The following BIRC6 variants were observed in gnomAD, a reference collection of about 807,000 sequenced individuals.
The protein encoded by BIRC6 is baculoviral IAP repeat containing 6.
In BIRC6, 98 loss-of-function variants were observed where a neutral mutation model predicts 503.3. That is an observed-to-expected ratio of 0.19 (90% CI 0.17 to 0.23). The LOEUF (loss-of-function observed/expected upper bound fraction) is 0.23, where lower values mean the gene tolerates loss of function less well. Among genes scored for constraint, BIRC6 ranks in the 10% least tolerant of loss-of-function variants. BIRC6 has a pLI of 1.00. For missense variants in BIRC6, 5,360 were observed against 5,806.0 expected, an observed-to-expected ratio of 0.92 and a Z score of 2.50; for synonymous variants, 2,240 against 2,078.7, an observed-to-expected ratio of 1.08 and a Z score of -2.11.
intron 15 of BIRC6, among the ~76,000 whole-genome samples, chr2:32,437,178 C>T (rs562724220): frequency 6.6e-6 from 1 of 152,264 alleles, no homozygotes; most frequent in South Asian, 2.1e-4. Context: ...ACGTAAGCCA[C>T]CGCTCCAGGC....
intron 57 of BIRC6, chr2:32,519,204 T>C: frequency 2.9e-6 from 1 of 350,124 alleles, no homozygotes; most frequent in South Asian, 3.6e-5. Flanking sequence ...AAATAATTGA[T>C]GGCATGTTCT....
intron 65 of BIRC6, among the ~76,000 whole-genome samples, chr2:32,553,750 A>G (rs1377324085): frequency 6.6e-6 from 1 of 152,168 alleles, no homozygotes; most frequent in African/African-American, 2.4e-5. Context: ...AGAAACATAA[A>G]TCTTCATATT....
intron 59 of BIRC6, 135 bp from the exon 60 acceptor site, chr2:32,529,516 T>G (rs1342508093): frequency 2.6e-5 from 20 of 769,188 alleles, no homozygotes; most frequent in East Asian, 2.9e-5. Context: ...CCAATGGCTG[T>G]TGAATTTTTT....
chr2:32,607,444 T>G lies in BIRC6; in HGVS notation c.14071-11T>G. 6.7e-7 allele frequency: 1 copy of G among 1,486,628 alleles called. No individual in the cohort carries two copies. Among genetic ancestry groups the G allele is most frequent in the Non-Finnish European group, 9.0e-7 (1 of 1,107,680 alleles). The allele number at this position is 1,486,628 out of a possible 1,614,324, so 92.1% of individuals were successfully genotyped here. ...GTCCCATCATAGCTGTTCTTTTCCT[T>G]TATTCTTTAGGTGTTGGTGTCTGTC... On this transcript the variant is annotated splice_polypyrimidine_tract_variant and intron_variant, in intron 71 of 73. Transcript: ENST00000421745.
At chr2:32,455,116 T>C (rs2047098465) in intron 23 of BIRC6, among the ~76,000 whole-genome samples, 1 of 152,010 alleles carries the variant, frequency 6.6e-6, no homozygotes, top group South Asian at 2.1e-4. Context: ...CGGTGGCTCA[T>C]GCCTGTAATC....
At chr2:32,377,910 C>T in intron 2 of BIRC6, 141 bp downstream of exon 2, 2 of 705,704 alleles carry the variant, frequency 2.8e-6, no homozygotes, top group South Asian at 4.9e-5. Flanking sequence ...ACCACAACTT[C>T]ATTTAAATAT....
At chr2:32,476,175 CGTT>C in intron 33 of BIRC6, 35 bp from the exon 34 acceptor site, 7 of 1,477,110 alleles carry the variant, frequency 4.7e-6, no homozygotes, top group Non-Finnish European at 6.3e-6. Context: ...TTGTTTTTAA[CGTT>C]GTTAAAGATT....
intron 65 of BIRC6, chr2:32,557,395 C>T (rs1047849928): frequency 6.6e-6 from 1 of 152,116 alleles, no homozygotes; most frequent in African/African-American, 2.4e-5. Context: ...ATGGTTGTAG[C>T]ATTTTTGCTG....
chr2:32,435,580 C>A lies in BIRC6; in HGVS notation c.3494C>A (p.Ser1165Ter), dbSNP rs2044605704. 1 of 1,552,350 alleles carries A rather than the reference C, an allele frequency of 6.4e-7. No homozygotes were observed. The highest frequency in any genetic ancestry group is 1.2e-5 in the South Asian group (1 of 83,876). ...ATGCAGCACATGGATGTAGAGGAAT[C>A]ACAGTGTGAGTTAAATTATAGAGCT... ...EEMQHMDVEESQCLRLCPFLE... is the reference protein window; with the variant it reads ...EEMQHMDVEE The change falls in exon 14 of 74, where the codon TCA becomes TAA. Residue 1165 changes from serine to a stop codon, truncating the protein, a stop_gained. Coordinates refer to ENST00000421745, the MANE Select transcript of BIRC6 (RefSeq NM_016252.4). LOFTEE classifies it high-confidence loss of function.
At position 32,515,467 on chromosome 2, in the gene BIRC6, A is replaced by G. The variant is rs542805655; in HGVS notation, c.11046A>G (p.Leu3682=). The G allele has an allele frequency of 6.2e-7, 1 of 1,613,612 alleles. No individual in the cohort carries two copies. The highest frequency in any genetic ancestry group is 8.5e-7 in the Non-Finnish European group (1 of 1,179,874). ...QCNKMPITAD[L]VAPILRFLTE... is the part of the protein sequence containing the mutation. The stretch of plus-strand genomic sequence containing the variant: ...ATAAGATGCCTATCACAGCCGACCT[A>G]GTTGCTCCTATTCTTAGGTTTTTGA... The change falls in exon 55 of 74, where the codon CTA becomes CTG. Residue 3682 remains leucine (L), a synonymous_variant. Transcript: ENST00000421745.
At chr2:32,470,391 T>G in intron 31 of BIRC6, 90 bp downstream of exon 31, 1 of 1,220,544 alleles carries the variant, frequency 8.2e-7, no homozygotes. Context: ...ACTTTAATAA[T>G]TATTTGCAGC....
chr2:32,482,984 C>T (rs1297214301), intron 39 of BIRC6, among the ~76,000 whole-genome samples: 3 of 147,938 alleles, frequency 2.0e-5, no homozygotes, highest in Non-Finnish European at 4.5e-5. Context: ...GTGATGTGAT[C>T]CCATCTCACC....
rs1445634315 is a variant in BIRC6 at position 32,574,780 on chromosome 2, C to G, written c.13145-376C>G. ...GTAATTTTTTTGAGACGGAGTTTCA[C>G]TCTTGTGGCCCAGGCTGGAGTGCAA... On this transcript the variant is annotated intron_variant, in intron 65 of 73. Transcript: ENST00000421745. 4 of 270,230 alleles carry G rather than the reference C, an allele frequency of 1.5e-5. No individual in the cohort carries two copies. In the East Asian group the frequency reaches 3.8e-4, roughly 26 times the overall value. The allele number at this position is 270,230 out of a possible 1,614,324, so 16.7% of individuals were successfully genotyped here.
chr2:32,391,988 C>A, intron 4 of BIRC6, 51 bp from the exon 5 acceptor site: 2 of 1,211,622 alleles, frequency 1.7e-6, no homozygotes, highest in Non-Finnish European at 2.3e-6. Context: ...ATAGAAGTTT[C>A]ACTGTGATTT....
In BIRC6 at chr2:32,505,001, C is replaced by T. The variant is rs543706301; in HGVS notation, c.9500-4C>T. ...TTATAATTTATGTAAAATATCTTCTCTAGGTACAATCACATCTAGCAGTCC... is the reference window on the plus strand; with the variant it reads ...TTATAATTTATGTAAAATATCTTCTTTAGGTACAATCACATCTAGCAGTCC... On this transcript the variant is annotated splice_polypyrimidine_tract_variant and splice_region_variant and intron_variant, in intron 49 of 73. Transcript: ENST00000421745. 1.4e-5 allele frequency: 22 copies of T among 1,610,296 alleles called. No individual in the cohort carries two copies. The East Asian group carries it at 3.3e-4, about 25-fold the overall frequency.
At chr2:32,536,995 T>A (rs2057292747) in intron 61 of BIRC6, among the ~76,000 whole-genome samples, 1 of 152,222 alleles carries the variant, frequency 6.6e-6, no homozygotes, top group South Asian at 2.1e-4. Flanking sequence ...TAAGTTGGAC[T>A]CCTAGGTATT....
At chr2:32,386,859 T>C (rs1312538555) in intron 3 of BIRC6, among the ~76,000 whole-genome samples, 1 of 152,176 alleles carries the variant, frequency 6.6e-6, no homozygotes, top group African/African-American at 2.4e-5. Flanking sequence ...GTTTTCTATA[T>C]TACTGGCCCA....
intron 39 of BIRC6, 31 bp downstream of exon 39, chr2:32,482,613 G>A (rs1446825532): frequency 6.2e-7 from 1 of 1,607,848 alleles, no homozygotes; most frequent in East Asian, 2.2e-5. Context: ...TAAGACATAT[G>A]CTATTCTTAA....
At chr2:32,409,452 G>T in intron 9 of BIRC6, among the ~76,000 whole-genome samples, 1 of 152,112 alleles carries the variant, frequency 6.6e-6, no homozygotes, top group Non-Finnish European at 1.5e-5. Flanking sequence ...CACTGTGCCC[G>T]GCCTATTGAA....
Sources: gnomAD v4.1 joint callset for allele counts (sites outside exome capture counted in the v4.1 genomes callset) on GRCh38, gnomAD v4.1.1 for gene constraint, MANE v1.5 for transcripts, NCBI Gene and HGNC (gene_info 2026-07-23, HGNC 2026-07-21) for gene names.